VWA3B: variants seen among roughly 807,000 people sequenced by gnomAD.
The protein encoded by VWA3B is von Willebrand factor A domain containing 3B, also known as von Willebrand factor A domain-containing protein 3B.
Under a neutral mutation model 158.3 loss-of-function variants are expected in VWA3B, and 138 were observed. That is an observed-to-expected ratio of 0.87 (90% confidence interval 0.76 to 1.00). VWA3B has a LOEUF of 1.00. Among genes scored for constraint, VWA3B ranks in the 50% least tolerant of loss-of-function variants. VWA3B has a pLI of 0.00. For synonymous variants in VWA3B, 596 were observed against 587.3 expected (o/e 1.01, Z -0.21); for missense variants, 1,555 against 1,565.1 (o/e 0.99, Z 0.11).
At chr2:98,144,471 C>G (rs1422297855) in intron 7 of VWA3B, among the ~76,000 whole-genome samples, 1 of 151,906 alleles carries the variant, frequency 6.6e-6, no homozygotes. Flanking sequence ...CCTGAGTTCT[C>G]TCTTGGTTGG....
intron 22 of VWA3B, among the ~76,000 whole-genome samples, chr2:98,285,627 C>T (rs1309927495): frequency 6.6e-6 from 1 of 150,690 alleles, no homozygotes; most frequent in Non-Finnish European, 1.5e-5. Flanking sequence ...GTCAGTACCA[C>T]AATTTCTTGA....
intron 20 of VWA3B, among the ~76,000 whole-genome samples, chr2:98,253,536 C>T (rs960042124): frequency 6.6e-6 from 1 of 152,118 alleles, no homozygotes; most frequent in African/African-American, 2.4e-5. Flanking sequence ...CTGTTGCTTA[C>T]TTTCATTGAA....
In VWA3B at chr2:98,121,459, G is replaced by A. The variant is rs1409484192; in HGVS notation, c.702+1G>A. On this transcript the variant is annotated splice_donor_variant, in intron 5 of 27. Transcript: ENST00000477737. LOFTEE classifies it high-confidence loss of function. ...GCTGGAAGCCGGGAGAGACAAGACT[G>A]TAAGTGCGTGTTCATGGCTGGCCCC... The A allele has an allele frequency of 6.2e-7, 1 of 1,612,770 alleles. No homozygotes were observed. Among genetic ancestry groups the A allele is most frequent in the East Asian group, 2.2e-5 (1 of 44,874 alleles).
intron 19 of VWA3B, chr2:98,242,109 GTCC>G: frequency 2.9e-6 from 1 of 344,844 alleles, no homozygotes; most frequent in Admixed American, 3.5e-5. Context: ...TCTTAATTGC[GTCC>G]TCCTCCTGTG....
intron 7 of VWA3B, among the ~76,000 whole-genome samples, chr2:98,147,686 G>T (rs1410086898): frequency 2.6e-5 from 4 of 151,602 alleles, no homozygotes. Context: ...CTTTTTTGGG[G>T]TGTATTTTTT....
intron 21 of VWA3B, among the ~76,000 whole-genome samples, chr2:98,265,603 C>A (rs1320280795): frequency 2.0e-5 from 3 of 148,722 alleles, no homozygotes; most frequent in African/African-American, 7.4e-5. Flanking sequence ...GTTCTAGATC[C>A]CTGAGGAATC....
At chr2:98,261,857 A>G (rs1687502760) in intron 21 of VWA3B, among the ~76,000 whole-genome samples, 1 of 151,718 alleles carries the variant, frequency 6.6e-6, no homozygotes, top group Non-Finnish European at 1.5e-5. Flanking sequence ...TAGTTTAATT[A>G]TAATGTGTGT....
chr2:98,145,311 C>G (rs958636370), intron 7 of VWA3B, among the ~76,000 whole-genome samples: 6 of 152,210 alleles, frequency 3.9e-5, no homozygotes, highest in African/African-American at 1.4e-4. Flanking sequence ...AGGCACTCTT[C>G]CAGCCTCTTA....
At chr2:98,289,604 C>A (rs192096113) in intron 22 of VWA3B, among the ~76,000 whole-genome samples, 1 of 152,160 alleles carries the variant, frequency 6.6e-6, no homozygotes, top group African/African-American at 2.4e-5. Context: ...TGTGAGACAG[C>A]GATCATAAAG....
At chr2:98,273,540 T>A (rs1300916206) in intron 22 of VWA3B, among the ~76,000 whole-genome samples, 1 of 152,218 alleles carries the variant, frequency 6.6e-6, no homozygotes, top group Admixed American at 6.5e-5. Context: ...CACCTAAGAC[T>A]CAAGAGGACC....
At position 98,121,344 on chromosome 2, in the gene VWA3B, G is replaced by C. The variant is rs368906815; in HGVS notation, c.588G>C (p.Val196=). ...PVKWQENATP[V]TEQSIATAIS... is the part of the protein sequence containing the mutation. ...AGTGGCAGGAAAATGCTACTCCTGT[G>C]ACCGAACAGTCCATAGCTACTGCCA... is the stretch of plus-strand genomic sequence containing the variant. The change falls in exon 5 of 28, where the codon GTG becomes GTC. Residue 196 remains valine, a synonymous_variant. Coordinates refer to ENST00000477737, the MANE Select transcript of VWA3B (RefSeq NM_144992.5). 3.6e-5 allele frequency: 58 copies of C among 1,614,126 alleles called. No homozygotes were observed. In the African/African-American group the frequency reaches 6.3e-4, roughly 17 times the overall value.
intron 2 of VWA3B, among the ~76,000 whole-genome samples, chr2:98,097,702 A>G (rs893729413): frequency 2.6e-5 from 4 of 152,180 alleles, no homozygotes; most frequent in African/African-American, 9.7e-5. Flanking sequence ...TAGAGGTTGT[A>G]CTAATTTGCA....
the VWA3B span, among the ~76,000 whole-genome samples, chr2:98,321,190 C>T: frequency 2.6e-5 from 4 of 152,328 alleles, no homozygotes; most frequent in East Asian, 1.9e-4. Flanking sequence ...GTTTTGGAAC[C>T]TCTGCCTAGA....
intron 10 of VWA3B, among the ~76,000 whole-genome samples, chr2:98,191,537 A>G (rs1681570157): frequency 6.6e-6 from 1 of 152,232 alleles, no homozygotes; most frequent in African/African-American, 2.4e-5. Flanking sequence ...GAATAGATCT[A>G]GGGTCGCCTT....
At chr2:98,164,509 T>C (rs1410460357) in intron 8 of VWA3B, among the ~76,000 whole-genome samples, 1 of 152,174 alleles carries the variant, frequency 6.6e-6, no homozygotes, top group Non-Finnish European at 1.5e-5. Context: ...GGGAGTTTCT[T>C]ATTATCTCCA....
chr2:98,228,400 C>A, intron 15 of VWA3B, 68 bp downstream of exon 15: 1 of 1,486,020 alleles, frequency 6.7e-7, no homozygotes, highest in Non-Finnish European at 9.0e-7. Flanking sequence ...CCCCCTGGGC[C>A]CTTGTCCTTT....
chr2:98,325,975 C>A, the VWA3B span, among the ~76,000 whole-genome samples: 1 of 152,018 alleles, frequency 6.6e-6, no homozygotes, highest in Admixed American at 6.6e-5. Flanking sequence ...GAATTGCAGT[C>A]ATATAAAGTG....
chr2:98,225,719 A>AT (rs1553420742), intron 14 of VWA3B, among the ~76,000 whole-genome samples: 10 of 152,150 alleles, frequency 6.6e-5, no homozygotes, highest in Non-Finnish European at 1.0e-4. Context: ...AAAAAAAAAA[A>AT]CTGGAACTTT....
chr2:98,103,941 A>G (rs547613564), intron 2 of VWA3B, among the ~76,000 whole-genome samples: 2 of 152,318 alleles, frequency 1.3e-5, no homozygotes, highest in African/African-American at 4.8e-5. Flanking sequence ...GGACTTGACA[A>G]ATTTTAATAA....
Sources: allele counts gnomAD v4.1 joint callset (sites outside exome capture counted in the v4.1 genomes callset), GRCh38; gene constraint gnomAD v4.1.1; transcripts MANE v1.5; gene names NCBI Gene and HGNC (gene_info 2026-07-23, HGNC 2026-07-21).